GP2: variants seen among roughly 807,000 people sequenced by gnomAD.
The protein encoded by GP2 is glycoprotein 2.
A neutral mutation model predicts 60.8 loss-of-function variants in GP2; 58 were observed. That is an observed-to-expected ratio of 0.95 (90% CI 0.77 to 1.19). The LOEUF is 1.19. Among genes scored for constraint, GP2 ranks in the 50% most tolerant of loss-of-function variants. The pLI is 0.00. For missense variants in GP2, 647 were observed against 667.4 expected (o/e 0.97, Z 0.34); for synonymous variants, 280 against 253.4 (o/e 1.10, Z -1.00).
chr16:20,326,644 G>C, intron 1 of GP2, 177 bp from the exon 2 acceptor site: 4 of 577,080 alleles, frequency 6.9e-6, no homozygotes, highest in Non-Finnish European at 1.2e-5. Flanking sequence ...GGCAAGCTTA[G>C]AGCTGGCTAG....
rs1201286486 is a variant in GP2 at position 20,323,883 on chromosome 16, G to A, written c.468C>T (p.Ala156=). 6.2e-7 allele frequency: 1 copy of A among 1,614,026 alleles called. No homozygotes were observed. The highest frequency in any genetic ancestry group is 1.7e-5 in the Admixed American group (1 of 60,010). The stretch of plus-strand genomic sequence containing the variant: ...GGTACACATGGTACCCGCCTGGGCA[G>A]GCCTTCACCAGCACCTCTGTTTTCC... The part of the protein sequence containing the change: ...CFWKTEVLVK[A]CPGGYHVYRL... The change falls in exon 3 of 11, where the codon GCC becomes GCT. Residue 156 remains alanine (A), a synonymous_variant. Coordinates refer to ENST00000302555, the MANE Select transcript of GP2 (RefSeq NM_001502.4).
At chr16:20,326,309 C>T in intron 2 of GP2, 29 bp downstream of exon 2, 1 of 1,609,468 alleles carries the variant, frequency 6.2e-7, no homozygotes, top group Non-Finnish European at 8.5e-7. Flanking sequence ...TCCTTGACAT[C>T]TGAGATGCCA....
At chr16:20,324,826 A>T (rs763108004) in intron 2 of GP2, among the ~76,000 whole-genome samples, 1 of 152,210 alleles carries the variant, frequency 6.6e-6, no homozygotes, top group Non-Finnish European at 1.5e-5. Context: ...TACCAGTAGC[A>T]CAGTCTATTG....
Position 20,318,213 on chromosome 16 carries a change from G to A in GP2, c.1225C>T (p.Leu409Phe), listed in dbSNP as rs1964244574. The A allele has an allele frequency of 6.2e-7, 1 of 1,613,360 alleles. No individual in the cohort carries two copies. The highest frequency in any genetic ancestry group is 8.5e-7 in the Non-Finnish European group (1 of 1,179,296). ...YATPTEDKADLVKYFIIRNSC... is the reference protein window; with the variant it reads ...YATPTEDKADFVKYFIIRNSC... The stretch of plus-strand genomic sequence containing the variant: ...TTTCTGATGATGAAATACTTCACAA[G>A]GTCAGCCTTGTCTTCAGTGGGGGTG... Residue 409 changes from leucine (L) to phenylalanine (F), a missense_variant, in exon 7 of 11, where the codon CTT becomes TTT. By Grantham distance (22) the Leu-to-Phe change is conservative (BLOSUM62 0). Coordinates refer to ENST00000302555, the MANE Select transcript of GP2 (RefSeq NM_001502.4).
At position 20,324,409 on chromosome 16, in the gene GP2, G is replaced by A. The variant is rs537506837; in HGVS notation, c.95-153C>T. On this transcript the variant is annotated intron_variant, in intron 2 of 10. Coordinates refer to ENST00000302555, the MANE Select transcript of GP2 (RefSeq NM_001502.4). ...AATTAAACATCAACTTCATCACCTT[G>A]GGGGCAGAATAATCAGTGAGGACCT... 3.9e-5 allele frequency among the ~76,000 whole-genome samples: 6 copies of A among 152,312 alleles called. No homozygotes were observed. In the South Asian group the frequency reaches 1.2e-3, roughly 32 times the overall value.
intron 3 of GP2, 195 bp downstream of exon 3, chr16:20,323,621 C>A: frequency 1.7e-6 from 1 of 601,598 alleles, no homozygotes; most frequent in South Asian, 2.1e-5. Flanking sequence ...GGAAATTTCA[C>A]CCTTGAATGG....
chr16:20,316,397 G>A (rs1476239650), intron 8 of GP2, among the ~76,000 whole-genome samples: 1 of 152,194 alleles, frequency 6.6e-6, no homozygotes, highest in East Asian at 1.9e-4. Context: ...CTATTCACAG[G>A]CAGTTCCAAA....
chr16:20,321,115 A>G (rs974340970), intron 4 of GP2, among the ~76,000 whole-genome samples: 3 of 150,054 alleles, frequency 2.0e-5, no homozygotes, highest in Non-Finnish European at 4.4e-5. Context: ...CAGTGGTCCA[A>G]TCTCAGTTCA....
Position 20,315,941 on chromosome 16 carries a change from G to C in GP2, c.1501+15C>G. 1 of 1,562,682 alleles carries C rather than the reference G, an allele frequency of 6.4e-7. No individual in the cohort carries two copies. The highest frequency in any genetic ancestry group is 1.4e-5 in the African/African-American group (1 of 73,966). On this transcript the variant is annotated intron_variant, in intron 9 of 10. Transcript: ENST00000302555. Reference sequence around the variant, plus strand: ...CTCAGCCAGCTGGTCTTGTCACTGGGATTTGGCCACTTACCTCTCCGAGTG... The same window carrying C: ...CTCAGCCAGCTGGTCTTGTCACTGGCATTTGGCCACTTACCTCTCCGAGTG...
At chr16:20,316,787 A>G (rs1224019878) in intron 8 of GP2, among the ~76,000 whole-genome samples, 2 of 148,970 alleles carry the variant, frequency 1.3e-5, no homozygotes, top group African/African-American at 5.0e-5. Context: ...CCTCCCATCC[A>G]TACACCTACC....
intron 1 of GP2, among the ~76,000 whole-genome samples, chr16:20,327,133 G>A (rs1410305465): frequency 6.6e-6 from 1 of 152,150 alleles, no homozygotes; most frequent in African/African-American, 2.4e-5. Context: ...GTTTCGGGCA[G>A]GGATACCATG....
intron 3 of GP2, chr16:20,323,486 C>G: frequency 4.0e-5 from 4 of 99,846 alleles, no homozygotes; most frequent in Non-Finnish European, 1.4e-4. Flanking sequence ...TTTTGCTGTA[C>G]CCCCCCCCCC....
rs1288623941 is a variant in GP2, at chr16:20,311,210, C to T, written c.*13G>A. ...AGAACACAAACTTCAAGGCCAGATG[C>T]TCAGCGGAGCTCTCAGAACAGCCAA... On this transcript the variant is annotated 3_prime_UTR_variant, in exon 11 of 11. Transcript: ENST00000302555. 3.8e-6 allele frequency: 6 copies of T among 1,584,978 alleles called. No individual in the cohort carries two copies. The East Asian group carries it at 1.1e-4, about 30-fold the overall frequency.
Position 20,317,208 on chromosome 16 carries a change from C to T in GP2, c.1416+5G>A, listed in dbSNP as rs531008498. 153 of 1,547,918 alleles carry T rather than the reference C, an allele frequency of 9.9e-5. 4 individuals carry two copies. In the South Asian group the frequency reaches 1.6e-3, roughly 16 times the overall value. On this transcript the variant is annotated splice_donor_5th_base_variant and intron_variant, in intron 8 of 10. Coordinates refer to ENST00000302555, the MANE Select transcript of GP2 (RefSeq NM_001502.4). ...CTGAAGAGTTCAGTTCAAAGAGACACTCACAGGCTGGCACTGTTCATTAAG... is the reference window on the plus strand; with the variant it reads ...CTGAAGAGTTCAGTTCAAAGAGACATTCACAGGCTGGCACTGTTCATTAAG...
intron 1 of GP2, 168 bp from the exon 2 acceptor site, chr16:20,326,635 G>T: frequency 1.7e-6 from 1 of 596,886 alleles, no homozygotes; most frequent in East Asian, 2.9e-5. Context: ...CAAACCAAAG[G>T]CAAGCTTAGA....
At chr16:20,326,992 GAAAGAGCTGCAAAAA>G in intron 1 of GP2, 1 of 165,576 alleles carries the variant, frequency 6.0e-6, no homozygotes, top group Non-Finnish European at 1.3e-5. Flanking sequence ...GAGGCAGAAA[GAAAGAGCTGCAAAAA>G]AGCCTGCCAG....
chr16:20,323,950 T>G lies in GP2; in HGVS notation c.401A>C (p.Asn134Thr). ...THPALGDGITNHTACAHWSGN... is the reference protein window; with the variant it reads ...THPALGDGITTHTACAHWSGN... ...ACTCCAATGGGCACAGGCAGTGTGG[T>G]TGGTGATGCCATCCCCAAGGGCAGG... Residue 134 changes from asparagine (N) to threonine (T), a missense_variant, in exon 3 of 11, where the codon AAC becomes ACC. Physicochemically the swap from Asn to Thr is moderately conservative, Grantham distance 65. Coordinates refer to ENST00000302555, the MANE Select transcript of GP2 (RefSeq NM_001502.4). The G allele has an allele frequency of 1.2e-6, 2 of 1,614,110 alleles. No homozygotes were observed. The highest frequency in any genetic ancestry group is 1.7e-6 in the Non-Finnish European group (2 of 1,179,980).
intron 10 of GP2, among the ~76,000 whole-genome samples, chr16:20,312,865 G>C (rs914572262): frequency 1.3e-5 from 2 of 152,026 alleles, no homozygotes; most frequent in African/African-American, 4.8e-5. Context: ...GGTCAGGCTG[G>C]TCTCGAACTC....
In GP2 at chr16:20,324,076, C is replaced by G. The variant is rs762485160; in HGVS notation, c.275G>C (p.Trp92Ser). 6.2e-7 allele frequency: 1 copy of G among 1,613,876 alleles called. No homozygotes were observed. Among genetic ancestry groups the G allele is most frequent in the Non-Finnish European group, 8.5e-7 (1 of 1,179,840 alleles). ...TCCTCCTTCCCCTACAAAGCGGTAC[C>G]AGCCGCTCATGTTTTTATCGCACCC... is the stretch of plus-strand genomic sequence containing the variant. Reference protein sequence around the residue: ...SQGCDKNMSGWYRFVGEGGVR... With the variant: ...SQGCDKNMSGSYRFVGEGGVR... Residue 92 changes from tryptophan to serine, a missense_variant, in exon 3 of 11, where the codon TGG (tryptophan) becomes TCG (serine). Transcript: ENST00000302555.
Sources: allele counts gnomAD v4.1 joint callset (sites outside exome capture counted in the v4.1 genomes callset), GRCh38; gene constraint gnomAD v4.1.1; transcripts MANE v1.5; gene names NCBI Gene and HGNC (gene_info 2026-07-23, HGNC 2026-07-21).